NCALD: variants seen among roughly 807,000 people sequenced by gnomAD.
The protein encoded by NCALD is neurocalcin-delta.
In NCALD, 10 loss-of-function variants were observed where a neutral mutation model predicts 18.6. That is an observed-to-expected ratio of 0.54 (90% CI 0.33 to 0.91). The LOEUF (loss-of-function observed/expected upper bound fraction) is 0.91, where lower values mean the gene tolerates loss of function less well. NCALD is among the 40% of genes least tolerant of loss of function. The pLI, the probability that NCALD is intolerant of heterozygous loss-of-function variation, is 0.03. For synonymous variants in NCALD, 88 were observed against 87.4 expected, an observed-to-expected ratio of 1.01 and a Z score of -0.04; for missense variants, 184 against 247.6, an observed-to-expected ratio of 0.74 and a Z score of 1.72.
At chr8:101,952,121 G>T (rs1819449315) in intron 2 of NCALD, among the ~76,000 whole-genome samples, 1 of 152,198 alleles carries the variant, frequency 6.6e-6, no homozygotes, top group South Asian at 2.1e-4. Flanking sequence ...GGGCAAGTGG[G>T]AACCGACTGC....
chr8:101,906,902 T>G (rs1761038556), intron 3 of NCALD, among the ~76,000 whole-genome samples: 1 of 152,186 alleles, frequency 6.6e-6, no homozygotes, highest in African/African-American at 2.4e-5. Context: ...AAGTAATATT[T>G]TAATGCAATG....
upstream of NCALD, among the ~76,000 whole-genome samples, chr8:101,795,881 A>G (rs1812621281): frequency 2.0e-5 from 3 of 152,232 alleles, no homozygotes; most frequent in Admixed American, 2.0e-4. Context: ...AAGATATTCC[A>G]ACAATCTGTA....
At chr8:101,877,599 T>C (rs1221858080) in intron 4 of NCALD, among the ~76,000 whole-genome samples, 1 of 152,216 alleles carries the variant, frequency 6.6e-6, no homozygotes, top group Non-Finnish European at 1.5e-5. Flanking sequence ...GAAGCCTTCA[T>C]CTCCTTACAG....
At chr8:102,045,088 G>A (rs1418114350) in intron 1 of NCALD, among the ~76,000 whole-genome samples, 1 of 152,158 alleles carries the variant, frequency 6.6e-6, no homozygotes, top group Non-Finnish European at 1.5e-5. Context: ...TAAACCCAGG[G>A]CTTTCTACAG....
intron 1 of NCALD, among the ~76,000 whole-genome samples, chr8:101,758,962 C>T (rs981457519): frequency 2.0e-5 from 3 of 152,084 alleles, no homozygotes; most frequent in African/African-American, 7.2e-5. Context: ...ATCCAGTGGC[C>T]CAATTGGATA....
chr8:101,831,007 A>G (rs1029852138), intron 4 of NCALD, among the ~76,000 whole-genome samples: 3 of 152,134 alleles, frequency 2.0e-5, no homozygotes, highest in African/African-American at 7.2e-5. Context: ...TGAAAAGTGC[A>G]AAGTCCCTCC....
intron 2 of NCALD, among the ~76,000 whole-genome samples, chr8:101,974,046 C>T (rs1038105396): frequency 2.0e-5 from 3 of 152,148 alleles, no homozygotes; most frequent in Non-Finnish European, 4.4e-5. Context: ...TTCACAAGAT[C>T]CCAGGGTCAC....
intron 1 of NCALD, among the ~76,000 whole-genome samples, chr8:102,025,590 C>T (rs1469657249): frequency 6.6e-6 from 1 of 152,228 alleles, no homozygotes; most frequent in African/African-American, 2.4e-5. Flanking sequence ...AGTCCACTGC[C>T]TCCCTTGCAA....
chr8:102,107,182 A>G (rs1183194009), intron 1 of NCALD, among the ~76,000 whole-genome samples: 2 of 135,298 alleles, frequency 1.5e-5, no homozygotes, highest in African/African-American at 5.5e-5. Flanking sequence ...TCTACAGCCT[A>G]TATATGTGTG....
chr8:101,802,380 G>A (rs1812901998), intron 4 of NCALD, among the ~76,000 whole-genome samples: 1 of 151,952 alleles, frequency 6.6e-6, no homozygotes, highest in South Asian at 2.1e-4. Context: ...TGGCCTCTAA[G>A]AGTTCAAGTG....
chr8:101,941,770 C>T (rs776813623), intron 2 of NCALD, among the ~76,000 whole-genome samples: 3 of 152,132 alleles, frequency 2.0e-5, no homozygotes, highest in Non-Finnish European at 4.4e-5. Context: ...GTCTTAACTA[C>T]AGCAATTTCG....
chr8:102,022,779 G>T (rs1269716), intron 1 of NCALD, among the ~76,000 whole-genome samples: 3 of 152,148 alleles, frequency 2.0e-5, no homozygotes, highest in East Asian at 3.9e-4. Flanking sequence ...GCTGGAAGAA[G>T]GTATGGAGAG....
At chr8:101,952,023 T>C (rs988078990) in intron 2 of NCALD, among the ~76,000 whole-genome samples, 1 of 152,190 alleles carries the variant, frequency 6.6e-6, no homozygotes. Context: ...TACTTTTTTA[T>C]CATGTCAACA....
intron 3 of NCALD, among the ~76,000 whole-genome samples, chr8:101,892,647 C>T (rs1049804731): frequency 6.7e-6 from 1 of 149,650 alleles, no homozygotes; most frequent in African/African-American, 2.5e-5. Context: ...ACTAGAATAA[C>T]CAATACAGAG....
chr8:101,698,671 G>A (rs1231888296), intron 2 of NCALD, among the ~76,000 whole-genome samples: 2 of 152,096 alleles, frequency 1.3e-5, no homozygotes, highest in Non-Finnish European at 2.9e-5. Context: ...CACAAAACAA[G>A]TAATGGGGAA....
At chr8:101,923,831 G>A (rs571400935) in intron 2 of NCALD, among the ~76,000 whole-genome samples, 1 of 152,274 alleles carries the variant, frequency 6.6e-6, no homozygotes, top group Non-Finnish European at 1.5e-5. Context: ...AATAGAATAT[G>A]TAACATGGAA....
chr8:101,949,705 T>C (rs575462162), intron 2 of NCALD, among the ~76,000 whole-genome samples: 1 of 152,224 alleles, frequency 6.6e-6, no homozygotes, highest in South Asian at 2.1e-4. Flanking sequence ...AGTGGTTATG[T>C]TTTGTATTCT....
At chr8:101,864,677 C>T (rs989708852) in intron 4 of NCALD, among the ~76,000 whole-genome samples, 2 of 151,318 alleles carry the variant, frequency 1.3e-5, no homozygotes, top group African/African-American at 4.9e-5. Flanking sequence ...TCACTGCAAC[C>T]TCCGCCTCCT....
chr8:101,978,905 T>C (rs1820520506), intron 2 of NCALD, among the ~76,000 whole-genome samples: 1 of 152,204 alleles, frequency 6.6e-6, no homozygotes. Context: ...CAGATAGCAA[T>C]ACATAACTGT....
Sources: allele counts gnomAD v4.1 joint callset (sites outside exome capture counted in the v4.1 genomes callset), GRCh38; gene constraint gnomAD v4.1.1; transcripts MANE v1.5; gene names NCBI Gene and HGNC (gene_info 2026-07-23, HGNC 2026-07-21).